SYNJ2: variants seen among roughly 807,000 people sequenced by gnomAD.
SYNJ2 encodes the protein synaptojanin 2.
SYNJ2 carries 116 observed loss-of-function variants against 141.3 expected under a neutral mutation model. The ratio of observed to expected loss-of-function variants is 0.82; its 90% CI spans 0.71 to 0.96. SYNJ2 has a LOEUF of 0.96. SYNJ2 is among the 40% of genes least tolerant of loss of function. SYNJ2 has a pLI of 0.00. For synonymous variants in SYNJ2, 745 were observed against 777.7 expected (o/e 0.96, Z 0.70); for missense variants, 1,873 against 1,934.8 (o/e 0.97, Z 0.60).
chr6:158,060,803 C>T (rs1045636442), intron 7 of SYNJ2, among the ~76,000 whole-genome samples: 11 of 152,340 alleles, frequency 7.2e-5, no homozygotes, highest in Admixed American at 1.3e-4. Flanking sequence ...GTGAAGTGCC[C>T]GGCACTGGTG....
rs1213290680 is a variant in SYNJ2 at position 158,089,893 on chromosome 6, A to G, written c.3511A>G (p.Thr1171Ala). The change falls in exon 25 of 27, where the codon ACC (threonine) becomes GCC (alanine). Residue 1171 changes from threonine (T) to alanine (A), a missense_variant. By Grantham distance (58) the Thr-to-Ala change is moderately conservative. Coordinates refer to ENST00000355585, the MANE Select transcript of SYNJ2 (RefSeq NM_003898.4). ...KPYNVKQIKT[T>A]NAQEAEAAIR... ...TTATAATGTCAAGCAGATCAAAACC[A>G]CCAATGCCCAGGAGGCAGAAGCAGC... 1 of 1,613,962 alleles carries G rather than the reference A, an allele frequency of 6.2e-7. No homozygotes were observed. The highest frequency in any genetic ancestry group is 1.3e-5 in the African/African-American group (1 of 74,894).
chr6:158,089,555 T>G (rs1329267697), intron 24 of SYNJ2, among the ~76,000 whole-genome samples: 1 of 151,530 alleles, frequency 6.6e-6, no homozygotes, highest in Non-Finnish European at 1.5e-5. Flanking sequence ...CTTTCTGGCT[T>G]TCACCTGGTT....
At chr6:158,059,397 T>C (rs557966795) in intron 7 of SYNJ2, 44 bp downstream of exon 7, 40 of 1,545,250 alleles carry the variant, frequency 2.6e-5, no homozygotes, top group Non-Finnish European at 3.3e-5. Flanking sequence ...GGGCGGCAGG[T>C]GGCCATGGTG....
chr6:158,010,740 G>A (rs1778232044), intron 1 of SYNJ2, among the ~76,000 whole-genome samples: 1 of 152,216 alleles, frequency 6.6e-6, no homozygotes, highest in Admixed American at 6.5e-5. Flanking sequence ...AATCCAGTGT[G>A]ACTGCTGTTC....
chr6:158,086,230 G>C (rs1359198577), intron 22 of SYNJ2, among the ~76,000 whole-genome samples: 6 of 152,168 alleles, frequency 3.9e-5, no homozygotes, highest in Non-Finnish European at 8.8e-5. Context: ...CCATGCTTTG[G>C]GGGAGCCCTA....
chr6:158,025,093 C>A (rs1228086690), intron 2 of SYNJ2, among the ~76,000 whole-genome samples: 1 of 152,218 alleles, frequency 6.6e-6, no homozygotes, highest in Non-Finnish European at 1.5e-5. Flanking sequence ...TCGCGCAGTT[C>A]TGGAGGCTGG....
At chr6:158,052,852 T>C (rs1045977758) in intron 5 of SYNJ2, among the ~76,000 whole-genome samples, 4 of 152,212 alleles carry the variant, frequency 2.6e-5, no homozygotes, top group African/African-American at 7.2e-5. Flanking sequence ...TTGGGAAATT[T>C]AACATTGACA....
At position 157,989,427 on chromosome 6, in the gene SYNJ2, A is replaced by AATATATAT. The variant is rs34948131; in HGVS notation, c.127+7372_127+7379dup. ...AATCTCATTCTTATGTAAAAAAATG[A>AATATATAT]ATATATATATATATATATATATATA... On this transcript the variant is annotated intron_variant, in intron 1 of 26. Coordinates refer to ENST00000355585, the MANE Select transcript of SYNJ2 (RefSeq NM_003898.4). Among the ~76,000 whole-genome samples the AATATATAT allele has an allele frequency of 7.9e-3, 757 of 96,152 alleles. 6 individuals carry two copies. Among genetic ancestry groups the AATATATAT allele is most frequent in the Non-Finnish European group, 1.0e-2 (465 of 46,696 alleles). 63.1% of individuals were successfully genotyped at this position (96,152 alleles called of 152,430 possible).
chr6:158,007,551 G>A lies in SYNJ2; in HGVS notation c.128-9653G>A, dbSNP rs185751112. ...ATATCCCATAACCAATCTGTCCATG[G>A]TTCCACCTTCAAAATATACCCAGAT... is the stretch of plus-strand genomic sequence containing the variant. On this transcript the variant is annotated intron_variant, in intron 1 of 26. Transcript: ENST00000355585. Among the ~76,000 whole-genome samples, 127 of 152,318 alleles carry A rather than the reference G, an allele frequency of 8.3e-4. 2 individuals carry two copies. The highest frequency in any genetic ancestry group is 1.6e-4 in the Non-Finnish European group (11 of 68,034).
intron 5 of SYNJ2, among the ~76,000 whole-genome samples, chr6:158,050,581 A>G (rs1265738452): frequency 6.6e-6 from 1 of 152,220 alleles, no homozygotes; most frequent in Non-Finnish European, 1.5e-5. Context: ...GTCCAGGATA[A>G]AAGACAAGCC....
At position 158,084,201 on chromosome 6, in the gene SYNJ2, GC is replaced by G. The variant is rs1782892263; in HGVS notation, c.3208+29del. 6.2e-7 allele frequency: 1 copy of G among 1,606,432 alleles called. No individual in the cohort carries two copies. On this transcript the variant is annotated intron_variant, in intron 22 of 26. Transcript: ENST00000355585. This position sits in a 1 kb window ranked among gnomAD's most constrained non-coding sequence, Gnocchi z 5.0. ...TAGCCTGACCCTTCTTTTCTCAGGA[GC>G]CTCAGCGATGGAGTCAGCTCAGGAC...
chr6:158,075,470 A>T lies in SYNJ2; in HGVS notation c.2292+732A>T, dbSNP rs551326272. ...AGCCTGGCCAACTTGGTGAAACCCC[A>T]TCTCTACTAAAAATCCAAAAATTAC... On this transcript the variant is annotated intron_variant, in intron 16 of 26. Coordinates refer to ENST00000355585, the MANE Select transcript of SYNJ2 (RefSeq NM_003898.4). 4.0e-5 allele frequency among the ~76,000 whole-genome samples: 6 copies of T among 151,620 alleles called. No homozygotes were observed. In the South Asian group the frequency reaches 1.3e-3, roughly 32 times the overall value.
intron 1 of SYNJ2, among the ~76,000 whole-genome samples, chr6:157,987,719 A>C (rs76560234): frequency 0.024 from 3,650 of 152,324 alleles, 75 homozygotes; most frequent in Non-Finnish European, 0.039. Flanking sequence ...GTTTGTAGGG[A>C]GAACATTTGA....
chr6:158,045,719 C>T (rs1207313400), intron 5 of SYNJ2, among the ~76,000 whole-genome samples: 3 of 152,124 alleles, frequency 2.0e-5, no homozygotes, highest in Non-Finnish European at 4.4e-5. Context: ...TAAAAAATGA[C>T]ACTCCTTTTT....
chr6:157,981,826 G>A (rs1214297651), upstream of SYNJ2: 10 of 788,558 alleles, frequency 1.3e-5, no homozygotes, highest in African/African-American at 1.8e-5. This position sits in a 1 kb window ranked among gnomAD's most constrained non-coding sequence, Gnocchi z 6.4. Flanking sequence ...AGGAGGCCGG[G>A]GAGGAGCCTG....
intron 1 of SYNJ2, among the ~76,000 whole-genome samples, chr6:157,997,035 C>A (rs1777660839): frequency 6.9e-6 from 1 of 145,352 alleles, no homozygotes; most frequent in Non-Finnish European, 1.5e-5. Context: ...CCACCCCCCC[C>A]CACCCAGCTT....
In SYNJ2 at chr6:158,064,656, G is replaced by A. The variant is rs186355477; in HGVS notation, c.1265G>A (p.Arg422His). 5.1e-5 allele frequency: 82 copies of A among 1,614,108 alleles called. No homozygotes were observed. The highest frequency in any genetic ancestry group is 2.7e-4 in the African/African-American group (20 of 75,054). ...LGLSSKPIVD[R>H]FVESFKAMWS... The stretch of plus-strand genomic sequence containing the variant: ...CTGAGTTCAAAACCCATCGTTGACC[G>A]CTTTGTGGAGTCCTTCAAAGCCATG... The change falls in exon 10 of 27, where the codon CGC becomes CAC. Residue 422 changes from arginine (R) to histidine (H), a missense_variant. Physicochemically the swap from Arg to His is conservative, Grantham distance 29. Coordinates refer to ENST00000355585, the MANE Select transcript of SYNJ2 (RefSeq NM_003898.4).
intron 1 of SYNJ2, among the ~76,000 whole-genome samples, chr6:157,990,600 G>A (rs1777385046): frequency 6.6e-6 from 1 of 152,192 alleles, no homozygotes; most frequent in Non-Finnish European, 1.5e-5. Flanking sequence ...GGTTGTTAGC[G>A]GCTGCTGCTC....
At chr6:158,049,444 G>A (rs1384035372) in intron 5 of SYNJ2, among the ~76,000 whole-genome samples, 1 of 152,178 alleles carries the variant, frequency 6.6e-6, no homozygotes, top group Non-Finnish European at 1.5e-5. Context: ...CAAAAGGGAT[G>A]CACGGGGTGA....
Sources: allele counts gnomAD v4.1 joint callset (sites outside exome capture counted in the v4.1 genomes callset), GRCh38; gene constraint gnomAD v4.1.1; non-coding constraint Gnocchi (gnomAD v3.1); transcripts MANE v1.5; gene names NCBI Gene and HGNC (gene_info 2026-07-23, HGNC 2026-07-21).